The following SLC4A5 variants were observed in gnomAD, a reference collection of about 807,000 sequenced individuals.
The protein encoded by SLC4A5 is solute carrier family 4 member 5, also known as electrogenic sodium bicarbonate cotransporter 4.
SLC4A5 carries 96 observed loss-of-function variants against 120.4 expected under a neutral mutation model. The ratio of observed to expected loss-of-function variants is 0.80; its 90% CI spans 0.68 to 0.94. The LOEUF (loss-of-function observed/expected upper bound fraction) is 0.94. Ranked by LOEUF, SLC4A5 falls within the 40% of genes least tolerant of loss-of-function variation. The probability of loss-of-function intolerance (pLI) is 0.00; values close to 1 mark genes in which losing one functional copy is unlikely to be tolerated. For synonymous variants in SLC4A5, 550 were observed against 571.1 expected, an observed-to-expected ratio of 0.96 and a Z score of 0.53; for missense variants, 1,259 against 1,459.5, an observed-to-expected ratio of 0.86 and a Z score of 2.24.
At chr2:74,324,841 T>C (rs935111568) in intron 5 of SLC4A5, among the ~76,000 whole-genome samples, 1 of 152,128 alleles carries the variant, frequency 6.6e-6, no homozygotes, top group Non-Finnish European at 1.5e-5. Flanking sequence ...TGTCCTTAAC[T>C]GGGCCAATCA....
chr2:74,267,796 G>C (rs1406831645), intron 8 of SLC4A5, among the ~76,000 whole-genome samples: 1 of 152,194 alleles, frequency 6.6e-6, no homozygotes, highest in Non-Finnish European at 1.5e-5. Flanking sequence ...AGGAGTTTGA[G>C]ACCAGCCTGG....
intron 8 of SLC4A5, among the ~76,000 whole-genome samples, chr2:74,285,403 T>C (rs1671949413): frequency 6.6e-6 from 1 of 152,190 alleles, no homozygotes; most frequent in Admixed American, 6.5e-5. Flanking sequence ...GGCCATTGTT[T>C]CATATAGGTA....
At chr2:74,262,360 ATTCT>A (rs1281083950) in intron 10 of SLC4A5, 128 bp from the exon 11 acceptor site, 5 of 536,484 alleles carry the variant, frequency 9.3e-6, no homozygotes, top group Admixed American at 3.3e-5. Flanking sequence ...CTGGGAAGAA[ATTCT>A]TTTTTTTTTT....
At chr2:74,281,431 T>C (rs58501937) in intron 8 of SLC4A5, among the ~76,000 whole-genome samples, 3,640 of 152,256 alleles carry the variant, frequency 0.024, 141 homozygotes, top group African/African-American at 0.082. Flanking sequence ...TCTGGGTAAA[T>C]AGTTTGCTCA....
intron 7 of SLC4A5, among the ~76,000 whole-genome samples, chr2:74,303,007 T>C (rs1017312347): frequency 6.8e-6 from 1 of 147,342 alleles, no homozygotes; most frequent in Admixed American, 6.6e-5. Context: ...TTCCCACTCC[T>C]GAGCAGGACT....
chr2:74,283,389 C>T lies in SLC4A5; in HGVS notation c.401+2384G>A, dbSNP rs542739350. Among the ~76,000 whole-genome samples, 67 of 152,342 alleles carry T rather than the reference C, an allele frequency of 4.4e-4. 1 individual carries two copies. In the East Asian group the frequency reaches 0.012, roughly 26 times the overall value. ...ATCAGCACCGTAAGTGTTCAAAGAA[C>T]GGCATCATAGGAAGAGATTCAATGG... On this transcript the variant is annotated intron_variant, in intron 8 of 30. Coordinates refer to ENST00000394019, the Ensembl canonical transcript of SLC4A5.
At chr2:74,273,526 C>G (rs899686368) in intron 8 of SLC4A5, among the ~76,000 whole-genome samples, 1 of 152,180 alleles carries the variant, frequency 6.6e-6, no homozygotes, top group African/African-American at 2.4e-5. Flanking sequence ...CCCACCCCGC[C>G]CCATTACCCA....
intron 8 of SLC4A5, among the ~76,000 whole-genome samples, chr2:74,266,206 G>A (rs1207177763): frequency 6.6e-6 from 1 of 152,178 alleles, no homozygotes; most frequent in Non-Finnish European, 1.5e-5. Context: ...TGTGATTCCA[G>A]GCCAGATATA....
At chr2:74,290,637 G>GAGAGAGAGAGAGAAGTGAGCA (rs1215010975) in intron 7 of SLC4A5, 2 of 982,254 alleles carry the variant, frequency 2.0e-6, no homozygotes, top group Non-Finnish European at 1.2e-6. Flanking sequence ...GAGAGAGAGA[G>GAGAGAGAGAGAGAAGTGAGCA]AGAGAGAGAG....
At position 74,267,227 on chromosome 2, in the gene SLC4A5, C is replaced by T. The variant is rs199964310; in HGVS notation, c.402-1963G>A. 2.0e-5 allele frequency among the ~76,000 whole-genome samples: 3 copies of T among 152,198 alleles called. No homozygotes were observed. In the East Asian group the frequency reaches 5.8e-4, roughly 29 times the overall value. ...TCTGCTGCAGGTGTAATGACACAGC[C>T]TTCCTGGTGTGGGCAGCCTGTTTCA... On this transcript the variant is annotated intron_variant, in intron 8 of 30. Transcript: ENST00000394019.
chr2:74,316,382 C>T (rs1192870629), intron 5 of SLC4A5, among the ~76,000 whole-genome samples: 1 of 151,070 alleles, frequency 6.6e-6, no homozygotes, highest in African/African-American at 2.4e-5. Flanking sequence ...CCTAAGCCTC[C>T]CCACCAACTG....
chr2:74,257,370 T>C (rs1367196044), intron 12 of SLC4A5, among the ~76,000 whole-genome samples: 1 of 152,030 alleles, frequency 6.6e-6, no homozygotes, highest in Non-Finnish European at 1.5e-5. Context: ...AAAAGTCCCT[T>C]TGTCTCAGGC....
intron 7 of SLC4A5, among the ~76,000 whole-genome samples, chr2:74,292,839 C>G (rs748089130): frequency 1.3e-5 from 2 of 152,182 alleles, no homozygotes; most frequent in Non-Finnish European, 2.9e-5. Context: ...CAGACATTCT[C>G]TCTCTCATCG....
intron 4 of SLC4A5, among the ~76,000 whole-genome samples, chr2:74,328,455 A>G (rs1369085014): frequency 1.3e-5 from 2 of 152,230 alleles, no homozygotes; most frequent in Non-Finnish European, 2.9e-5. Context: ...TGGCAGTGGT[A>G]TATTCCAGCC....
chr2:74,290,729 G>A, intron 7 of SLC4A5: 1 of 985,762 alleles, frequency 1.0e-6, no homozygotes, highest in Middle Eastern at 5.2e-4. Flanking sequence ...CTCAGTGGCT[G>A]CAGCAGAACC....
At chr2:74,306,111 T>C (rs1183648426) in intron 6 of SLC4A5, among the ~76,000 whole-genome samples, 1 of 152,178 alleles carries the variant, frequency 6.6e-6, no homozygotes, top group Non-Finnish European at 1.5e-5. Context: ...AGCATTGCCA[T>C]CTTGTTGGAC....
In SLC4A5 at chr2:74,284,479, C is replaced by CCT. The variant is rs111970922; in HGVS notation, c.401+1293_401+1294insAG. Reference sequence around the variant, plus strand: ...ACAGGCGTGAGCCACCGCGCCCGGCCTATTCCTTATTTCTAATGAAAGAAA... The same window carrying CCT: ...ACAGGCGTGAGCCACCGCGCCCGGCCCTTATTCCTTATTTCTAATGAAAGAAA... On this transcript the variant is annotated intron_variant, in intron 8 of 30. Transcript: ENST00000394019. 7.0e-4 allele frequency among the ~76,000 whole-genome samples: 51 copies of CCT among 73,054 alleles called. 12 individuals carry two copies. The East Asian group carries it at 0.014, about 21-fold the overall frequency. 47.9% of individuals were successfully genotyped at this position (73,054 alleles called of 152,430 possible). A position where few individuals can be genotyped will look rare whatever the true frequency, so the allele number is the denominator to read the frequency against.
chr2:74,296,896 T>C (rs754017327), intron 7 of SLC4A5, among the ~76,000 whole-genome samples: 7 of 152,216 alleles, frequency 4.6e-5, no homozygotes, highest in Non-Finnish European at 8.8e-5. Context: ...TAAACTTATT[T>C]TCTATCCTAA....
At chr2:74,245,450 A>C (rs79648870) in intron 19 of SLC4A5, among the ~76,000 whole-genome samples, 1 of 152,244 alleles carries the variant, frequency 6.6e-6, no homozygotes, top group East Asian at 1.9e-4. Context: ...TCTATAAGAT[A>C]CAAGCACGTA....
Sources: allele counts gnomAD v4.1 joint callset (sites outside exome capture counted in the v4.1 genomes callset), GRCh38; gene constraint gnomAD v4.1.1; transcripts MANE v1.5; gene names NCBI Gene and HGNC (gene_info 2026-07-23, HGNC 2026-07-21).